Variants in SMURF1 observed in about 807,000 individuals in gnomAD.
SMURF1 encodes the protein SMAD specific E3 ubiquitin protein ligase 1.
Under a neutral mutation model 98.0 loss-of-function variants are expected in SMURF1, and 44 were observed. The observed-to-expected ratio is 0.45, with a 90% CI of 0.35 to 0.58. The LOEUF is 0.58. Among genes scored for constraint, SMURF1 ranks in the 20% least tolerant of loss-of-function variants. The pLI is 0.00. For synonymous variants in SMURF1, 396 were observed against 374.9 expected (o/e 1.06, Z -0.65); for missense variants, 687 against 938.4 (o/e 0.73, Z 3.50).
intron 12 of SMURF1, 31 bp downstream of exon 12, chr7:99,042,087 A>G: frequency 3.9e-6 from 6 of 1,547,668 alleles, no homozygotes; most frequent in Non-Finnish European, 5.4e-6. Flanking sequence ...CTCCAACTCA[A>G]TTCCCTACCT....
At chr7:99,089,652 C>T (rs538325964) in intron 1 of SMURF1, among the ~76,000 whole-genome samples, 1 of 151,570 alleles carries the variant, frequency 6.6e-6, no homozygotes, top group African/African-American at 2.4e-5. Context: ...TAAAACAAAA[C>T]AAAACAAAAC....
At chr7:99,130,076 C>G (rs995383685) in intron 1 of SMURF1, among the ~76,000 whole-genome samples, 2 of 152,164 alleles carry the variant, frequency 1.3e-5, no homozygotes, top group Non-Finnish European at 2.9e-5. Context: ...ATGTATTTCT[C>G]TCTCTTAAAA....
chr7:99,053,192 T>C (rs1795803503), intron 6 of SMURF1, among the ~76,000 whole-genome samples: 1 of 152,224 alleles, frequency 6.6e-6, no homozygotes, highest in African/African-American at 2.4e-5. Flanking sequence ...CTGAGCAATT[T>C]TGAAGACAAT....
chr7:99,106,303 T>C (rs1294082696), intron 1 of SMURF1, among the ~76,000 whole-genome samples: 3 of 152,230 alleles, frequency 2.0e-5, no homozygotes, highest in Middle Eastern at 3.4e-3. Context: ...ATATCAAAGA[T>C]TGAGAAAAAT....
intron 1 of SMURF1, among the ~76,000 whole-genome samples, chr7:99,142,752 T>C (rs1798158628): frequency 7.5e-6 from 1 of 133,536 alleles, no homozygotes; most frequent in Non-Finnish European, 1.6e-5. Flanking sequence ...AGCTTGGAAG[T>C]GGTGGGAAAG....
intron 1 of SMURF1, among the ~76,000 whole-genome samples, chr7:99,108,644 G>GAAAGAAAA (rs1797252847): frequency 8.6e-6 from 1 of 116,836 alleles, no homozygotes; most frequent in Non-Finnish European, 1.9e-5. Flanking sequence ...AAGAAAGAAA[G>GAAAGAAAA]AAAGAAAAAA....
chr7:99,094,660 GA>G (rs35297120), intron 1 of SMURF1, among the ~76,000 whole-genome samples: 17 of 146,588 alleles, frequency 1.2e-4, no homozygotes, highest in African/African-American at 4.0e-4. Flanking sequence ...GCAAGAAAAG[GA>G]AAAAAAAAAA....
At chr7:99,051,636 A>G (rs1048818630) in intron 7 of SMURF1, among the ~76,000 whole-genome samples, 195 bp from the exon 8 acceptor site, 1 of 152,104 alleles carries the variant, frequency 6.6e-6, no homozygotes, top group Non-Finnish European at 1.5e-5. Flanking sequence ...CCAGAGCACT[A>G]CAGACACCCT....
chr7:99,037,791 C>T (rs2150502599), intron 14 of SMURF1, among the ~76,000 whole-genome samples: 1 of 152,360 alleles, frequency 6.6e-6, no homozygotes, highest in African/African-American at 2.4e-5. Context: ...CGGCTCACGC[C>T]TGCAATGCCA....
intron 1 of SMURF1, among the ~76,000 whole-genome samples, chr7:99,097,318 C>T (rs1796976360): frequency 1.3e-5 from 2 of 152,116 alleles, no homozygotes; most frequent in South Asian, 4.1e-4. Context: ...TGAAAGAGGT[C>T]ACGGCTCCGA....
intron 1 of SMURF1, among the ~76,000 whole-genome samples, chr7:99,142,631 A>G (rs1798154046): frequency 1.1e-5 from 1 of 91,652 alleles, no homozygotes; most frequent in Admixed American, 1.4e-4. Context: ...AGGGAGGAGG[A>G]CGGTGTGGGG....
chr7:99,107,790 T>G (rs1432146041), intron 1 of SMURF1, among the ~76,000 whole-genome samples: 1 of 152,176 alleles, frequency 6.6e-6, no homozygotes, highest in Non-Finnish European at 1.5e-5. Flanking sequence ...AAGTTGCTCT[T>G]AATGCAACCT....
intron 1 of SMURF1, among the ~76,000 whole-genome samples, chr7:99,068,153 A>G (rs1796241926): frequency 6.6e-6 from 1 of 152,134 alleles, no homozygotes; most frequent in East Asian, 1.9e-4. Context: ...TCCTATCACT[A>G]TCTTCTTCTG....
At chr7:99,045,580 A>T in intron 11 of SMURF1, 118 bp downstream of exon 11, 2 of 783,514 alleles carry the variant, frequency 2.6e-6, no homozygotes, top group Non-Finnish European at 4.3e-6. Context: ...GACTGCTCCA[A>T]GGAGACATCA....
chr7:99,057,742 C>T (rs1343321970), intron 3 of SMURF1, among the ~76,000 whole-genome samples, 191 bp from the exon 4 acceptor site: 2 of 151,880 alleles, frequency 1.3e-5, no homozygotes, highest in Admixed American at 6.6e-5. Flanking sequence ...GGACTACAGG[C>T]GTGCATCACC....
intron 1 of SMURF1, among the ~76,000 whole-genome samples, chr7:99,088,306 T>G (rs1796729274): frequency 6.6e-6 from 1 of 151,568 alleles, no homozygotes; most frequent in Non-Finnish European, 1.5e-5. Flanking sequence ...TGGATCGAAC[T>G]ACTGACGTCA....
chr7:99,072,547 G>C (rs1796351620), intron 1 of SMURF1, among the ~76,000 whole-genome samples: 2 of 152,326 alleles, frequency 1.3e-5, no homozygotes, highest in South Asian at 2.1e-4. Flanking sequence ...GGAGGTTGAG[G>C]CAGAAGAATC....
chr7:99,098,838 G>A (rs1797008524), intron 1 of SMURF1, among the ~76,000 whole-genome samples: 2 of 152,072 alleles, frequency 1.3e-5, no homozygotes, highest in Admixed American at 1.3e-4. Flanking sequence ...CCTTTAAGGA[G>A]GTTACTCTGC....
intron 3 of SMURF1, among the ~76,000 whole-genome samples, chr7:99,059,402 A>AAAAATAAAAT (rs59050463): frequency 0.024 from 1,882 of 77,372 alleles, 73 homozygotes; most frequent in South Asian, 0.039. Context: ...CATCTCAAAA[A>AAAAATAAAAT]AAAATAAAAT....
Sources: gnomAD v4.1 joint callset for allele counts (sites outside exome capture counted in the v4.1 genomes callset) on GRCh38, gnomAD v4.1.1 for gene constraint, MANE v1.5 for transcripts, NCBI Gene and HGNC (gene_info 2026-07-23, HGNC 2026-07-21) for gene names.